AGPAT4: variants seen among roughly 807,000 people sequenced by gnomAD.
AGPAT4 encodes 1-acylglycerol-3-phosphate O-acyltransferase 4.
Under a neutral mutation model 48.0 loss-of-function variants are expected in AGPAT4, and 15 were observed. The observed-to-expected ratio is 0.31, with a 90% CI of 0.21 to 0.48. The LOEUF is 0.48. Ranked by LOEUF, AGPAT4 falls within the 20% of genes least tolerant of loss-of-function variation. AGPAT4 has a pLI of 0.99. For missense variants in AGPAT4, 314 were observed against 482.5 expected (o/e 0.65, Z 3.27); for synonymous variants, 178 against 198.7 (o/e 0.90, Z 0.88).
intron 2 of AGPAT4, among the ~76,000 whole-genome samples, chr6:161,173,149 G>T (rs1269728190): frequency 6.6e-6 from 1 of 152,140 alleles, no homozygotes; most frequent in Non-Finnish European, 1.5e-5. Context: ...AATCCTTTGG[G>T]TATATACCCA....
In AGPAT4 at chr6:161,204,495, C is replaced by A. The variant is rs1490591593; in HGVS notation, c.178+27541G>T. On this transcript the variant is annotated intron_variant, in intron 2 of 8. Coordinates refer to ENST00000320285, the MANE Select transcript of AGPAT4 (RefSeq NM_020133.3). This position sits in a 1 kb window ranked among gnomAD's most constrained non-coding sequence, Gnocchi z 4.4. Reference sequence around the variant, plus strand: ...TTCAGTTACTATTTAGTACCCCCTCCAAAATTCTCCCTTTCCAGCTATATT... The same window carrying A: ...TTCAGTTACTATTTAGTACCCCCTCAAAAATTCTCCCTTTCCAGCTATATT... Among the ~76,000 whole-genome samples the A allele has an allele frequency of 6.6e-6, 1 of 152,132 alleles. No homozygotes were observed. Among genetic ancestry groups the A allele is most frequent in the Non-Finnish European group, 1.5e-5 (1 of 68,022 alleles).
intron 2 of AGPAT4, among the ~76,000 whole-genome samples, chr6:161,190,224 C>G (rs909087105): frequency 4.6e-5 from 7 of 152,000 alleles, no homozygotes; most frequent in African/African-American, 1.7e-4. Context: ...ATGCATTAGT[C>G]AAAATAATGT....
At position 161,169,630 on chromosome 6, in the gene AGPAT4, C is replaced by A. The variant is rs937416773; in HGVS notation, c.179-3213G>T. ...GGATTATAGGCATGAGCCACCACGA[C>A]TAGCCCATTTTCTTAATCAAATGAT... is the stretch of plus-strand genomic sequence containing the variant. On this transcript the variant is annotated intron_variant, in intron 2 of 8. Transcript: ENST00000320285. This position sits in a 1 kb window ranked among gnomAD's most constrained non-coding sequence, Gnocchi z 5.0. Among the ~76,000 whole-genome samples, 2 of 152,202 alleles carry A rather than the reference C, an allele frequency of 1.3e-5. No homozygotes were observed. The highest frequency in any genetic ancestry group is 2.9e-5 in the Non-Finnish European group (2 of 68,038).
At position 161,260,581 on chromosome 6, in the gene AGPAT4, G is replaced by T. The variant is rs1003795639; in HGVS notation, c.-90+13357C>A. 2.0e-5 allele frequency among the ~76,000 whole-genome samples: 3 copies of T among 149,850 alleles called. No individual in the cohort carries two copies. The East Asian group carries it at 6.0e-4, about 30-fold the overall frequency. ...GCAGGCAGGAGAATCACTTGAACCTGGGAGGCGGAGGTTGCAGTGAGCCAA... is the reference window on the plus strand; with the variant it reads ...GCAGGCAGGAGAATCACTTGAACCTTGGAGGCGGAGGTTGCAGTGAGCCAA... On this transcript the variant is annotated intron_variant, in intron 1 of 8. Coordinates refer to ENST00000320285, the MANE Select transcript of AGPAT4 (RefSeq NM_020133.3).
intron 8 of AGPAT4, among the ~76,000 whole-genome samples, 156 bp from the exon 9 acceptor site, chr6:161,136,790 A>G (rs1172690895): frequency 1.3e-5 from 2 of 152,168 alleles, no homozygotes; most frequent in Admixed American, 6.5e-5. Context: ...CCGGCTTTAC[A>G]ATCATCCTTG....
Position 161,236,135 on chromosome 6 carries a change from T to C in AGPAT4, c.-89-3833A>G, listed in dbSNP as rs554610760. On this transcript the variant is annotated intron_variant, in intron 1 of 8. Coordinates refer to ENST00000320285, the MANE Select transcript of AGPAT4 (RefSeq NM_020133.3). This position sits in a 1 kb window ranked among gnomAD's most constrained non-coding sequence, Gnocchi z 5.0. The stretch of plus-strand genomic sequence containing the variant: ...TGACGGAAAGAGTCTTTCCAGCAAA[T>C]CCACTTCAGTGGCTTATTACATGAG... 3.9e-4 allele frequency among the ~76,000 whole-genome samples: 60 copies of C among 152,288 alleles called. No individual in the cohort carries two copies. Among genetic ancestry groups the C allele is most frequent in the Non-Finnish European group, 6.9e-4 (47 of 68,028 alleles).
Position 161,136,639 on chromosome 6 carries a change from A to C in AGPAT4, c.1043-5T>G, listed in dbSNP as rs941422352. On this transcript the variant is annotated splice_region_variant and splice_polypyrimidine_tract_variant and intron_variant, in intron 8 of 8. Coordinates refer to ENST00000320285, the MANE Select transcript of AGPAT4 (RefSeq NM_020133.3). Reference sequence around the variant, plus strand: ...TCCATCGAACTCCCACGGAGGCTGCAGAGACAAGGAGAGCAGAGTTAGGAG... The same window carrying C: ...TCCATCGAACTCCCACGGAGGCTGCCGAGACAAGGAGAGCAGAGTTAGGAG... 4 of 1,613,122 alleles carry C rather than the reference A, an allele frequency of 2.5e-6. No homozygotes were observed. The African/African-American group carries it at 5.3e-5, about 22-fold the overall frequency.
At chr6:161,265,752 C>T (rs887736884) in intron 1 of AGPAT4, among the ~76,000 whole-genome samples, 1 of 152,076 alleles carries the variant, frequency 6.6e-6, no homozygotes, top group African/African-American at 2.4e-5. Context: ...TGGAAGGGGT[C>T]CTATCAGGCC....
At chr6:161,173,931 G>A (rs1337458179) in intron 2 of AGPAT4, among the ~76,000 whole-genome samples, 1 of 152,144 alleles carries the variant, frequency 6.6e-6, no homozygotes, top group African/African-American at 2.4e-5. Context: ...GTTTTTGTCA[G>A]GTTTGTCAAA....
chr6:161,159,068 C>T lies in AGPAT4; in HGVS notation c.349-4758G>A, dbSNP rs770807810. ...CAAAAACAGGTGAGATGTTCCTTAA[C>T]AATAAAGCAGGCTAAACAGCCTGCC... On this transcript the variant is annotated intron_variant, in intron 3 of 8. Transcript: ENST00000320285. The surrounding 1 kb of genome is among the most constrained non-coding windows in gnomAD (Gnocchi z 4.1). Among the ~76,000 whole-genome samples, 24 of 152,278 alleles carry T rather than the reference C, an allele frequency of 1.6e-4. No homozygotes were observed. The highest frequency in any genetic ancestry group is 3.1e-4 in the Non-Finnish European group (21 of 68,018).
rs61624932 is a variant in AGPAT4 at position 161,231,184 on chromosome 6, CATT to C, written c.178+849_178+851del. On this transcript the variant is annotated intron_variant, in intron 2 of 8. Coordinates refer to ENST00000320285, the MANE Select transcript of AGPAT4 (RefSeq NM_020133.3). This position sits in a 1 kb window ranked among gnomAD's most constrained non-coding sequence, Gnocchi z 5.3. ...TATATTCATACCCACATATATATAT[CATT>C]ATTAATATCACACTGCGTTCTCTAC... is the stretch of plus-strand genomic sequence containing the variant. Among the ~76,000 whole-genome samples the C allele has an allele frequency of 9.2e-3, 1,394 of 152,178 alleles. 26 individuals are homozygous for C. Among genetic ancestry groups the C allele is most frequent in the African/African-American group, 0.032 (1,327 of 41,494 alleles).
rs1371770759 is a variant in AGPAT4, at chr6:161,171,626, A to C, written c.179-5209T>G. 6.6e-6 allele frequency among the ~76,000 whole-genome samples: 1 copy of C among 152,132 alleles called. No individual in the cohort carries two copies. The highest frequency in any genetic ancestry group is 1.5e-5 in the Non-Finnish European group (1 of 68,034). On this transcript the variant is annotated intron_variant, in intron 2 of 8. Transcript: ENST00000320285. The surrounding 1 kb of genome is among the most constrained non-coding windows in gnomAD (Gnocchi z 4.4). ...AATTTCCAGCCGCACATGGTGGCTC[A>C]TGCCTGTAATTCCAGCACTTTGGAA...
rs112271762 is a variant in AGPAT4 at position 161,255,105 on chromosome 6, T to C, written c.-90+18833A>G. Among the ~76,000 whole-genome samples the C allele has an allele frequency of 6.6e-6, 1 of 152,146 alleles. No homozygotes were observed. Among genetic ancestry groups the C allele is most frequent in the African/African-American group, 2.4e-5 (1 of 41,428 alleles). ...GTTCCCTGTGATAAACTCCAGATCATCACCACCACAGGGCCCTGCTCCCAG... is the reference window on the plus strand; with the variant it reads ...GTTCCCTGTGATAAACTCCAGATCACCACCACCACAGGGCCCTGCTCCCAG... On this transcript the variant is annotated intron_variant, in intron 1 of 8. Transcript: ENST00000320285. The surrounding 1 kb of genome is among the most constrained non-coding windows in gnomAD (Gnocchi z 4.7).
At position 161,166,454 on chromosome 6, in the gene AGPAT4, G is replaced by A; in HGVS notation, c.179-37C>T. On this transcript the variant is annotated intron_variant, in intron 2 of 8. Coordinates refer to ENST00000320285, the MANE Select transcript of AGPAT4 (RefSeq NM_020133.3). The surrounding 1 kb of genome is among the most constrained non-coding windows in gnomAD (Gnocchi z 6.7). The stretch of plus-strand genomic sequence containing the variant: ...CACAACAGACAGATGTTTACTACAT[G>A]CAGCCTTGTCCTGGGAGCCCTGCTG... The A allele has an allele frequency of 1.3e-6, 2 of 1,563,152 alleles. No homozygotes were observed. Among genetic ancestry groups the A allele is most frequent in the Non-Finnish European group, 1.7e-6 (2 of 1,153,734 alleles).
chr6:161,197,916 A>G lies in AGPAT4; in HGVS notation c.179-31499T>C, dbSNP rs951894785. Among the ~76,000 whole-genome samples, 1 of 152,194 alleles carries G rather than the reference A, an allele frequency of 6.6e-6. No individual in the cohort carries two copies. Among genetic ancestry groups the G allele is most frequent in the African/African-American group, 2.4e-5 (1 of 41,454 alleles). On this transcript the variant is annotated intron_variant, in intron 2 of 8. Transcript: ENST00000320285. The surrounding 1 kb of genome is among the most constrained non-coding windows in gnomAD (Gnocchi z 5.7). ...ACTGTCAATAGCAATGAAAAGCTAC[A>G]CGTAGGGTTTACCCAGACAATTCGG...
chr6:161,170,481 A>G (rs751682678), intron 2 of AGPAT4, among the ~76,000 whole-genome samples: 8,427 of 111,790 alleles, frequency 0.075, 310 homozygotes, highest in Non-Finnish European at 0.096. Flanking sequence ...GCGCACACAC[A>G]CACACACACA....
intron 1 of AGPAT4, among the ~76,000 whole-genome samples, chr6:161,273,708 C>A (rs1783501188): frequency 6.6e-6 from 1 of 151,948 alleles, no homozygotes; most frequent in Non-Finnish European, 1.5e-5. Flanking sequence ...CGGCCCAGCA[C>A]AAAGCGAGGG....
chr6:161,194,713 A>G (rs985875939), intron 2 of AGPAT4, among the ~76,000 whole-genome samples: 2 of 151,928 alleles, frequency 1.3e-5, no homozygotes, highest in African/African-American at 4.8e-5. Context: ...GTGCGTATGT[A>G]TGTGTATGTG....
chr6:161,146,713 G>C lies in AGPAT4; in HGVS notation c.768-114C>G. On this transcript the variant is annotated intron_variant, in intron 6 of 8. Transcript: ENST00000320285. The surrounding 1 kb of genome is among the most constrained non-coding windows in gnomAD (Gnocchi z 7.1). ...TTATCTGGGTCACCTAAATAATGTG[G>C]AACTGAAGAGAGTAATGCAAGTGAT... The C allele has an allele frequency of 1.1e-6, 1 of 889,862 alleles. No homozygotes were observed. The highest frequency in any genetic ancestry group is 1.5e-5 in the South Asian group (1 of 66,656). 55.1% of individuals were successfully genotyped at this position (889,862 alleles called of 1,614,324 possible). A position where few individuals can be genotyped will look rare whatever the true frequency, so the allele number is the denominator to read the frequency against.
Sources: allele counts gnomAD v4.1 joint callset (sites outside exome capture counted in the v4.1 genomes callset), GRCh38; gene constraint gnomAD v4.1.1; non-coding constraint Gnocchi (gnomAD v3.1); transcripts MANE v1.5; gene names NCBI Gene and HGNC (gene_info 2026-07-23, HGNC 2026-07-21).